Variants in GNA14 observed in about 807,000 individuals in gnomAD.
GNA14 encodes guanine nucleotide-binding protein subunit alpha-14.
A neutral mutation model predicts 42.0 loss-of-function variants in GNA14; 50 were observed. That is an observed-to-expected ratio of 1.19 (90% CI 0.95 to 1.51). The LOEUF is 1.51. Ranked by LOEUF, GNA14 falls within the 40% of genes most tolerant of loss-of-function variation. The pLI is 0.00. For missense variants in GNA14, 473 were observed against 446.2 expected (o/e 1.06, Z -0.54); for synonymous variants, 173 against 163.1 (o/e 1.06, Z -0.46).
chr9:77,576,002 T>C (rs559296903), intron 1 of GNA14, among the ~76,000 whole-genome samples: 1 of 152,374 alleles, frequency 6.6e-6, no homozygotes, highest in South Asian at 2.1e-4. Flanking sequence ...TCCATGGTGC[T>C]GAAATGTTGT....
At chr9:77,487,387 T>C (rs1382154614) in intron 2 of GNA14, among the ~76,000 whole-genome samples, 1 of 152,234 alleles carries the variant, frequency 6.6e-6, no homozygotes, top group Non-Finnish European at 1.5e-5. Flanking sequence ...CCAGTGTTAC[T>C]TTGATTAAAA....
At chr9:77,473,766 A>G (rs1245173725) in intron 2 of GNA14, among the ~76,000 whole-genome samples, 1 of 152,188 alleles carries the variant, frequency 6.6e-6, no homozygotes, top group Non-Finnish European at 1.5e-5. Context: ...TTTAAAACTT[A>G]CTACAAAGCT....
chr9:77,527,303 G>C (rs1160403765), intron 2 of GNA14, among the ~76,000 whole-genome samples: 1 of 152,134 alleles, frequency 6.6e-6, no homozygotes, highest in Non-Finnish European at 1.5e-5. Context: ...ATGTATAAAG[G>C]AATCATCTCA....
At chr9:77,448,921 C>T (rs539983435) in intron 2 of GNA14, among the ~76,000 whole-genome samples, 10 of 152,284 alleles carry the variant, frequency 6.6e-5, no homozygotes, top group East Asian at 1.9e-4. Context: ...AAGTCTTAAA[C>T]GGCAATTCCC....
At chr9:77,563,239 T>C (rs1424391921) in intron 1 of GNA14, among the ~76,000 whole-genome samples, 1 of 152,158 alleles carries the variant, frequency 6.6e-6, no homozygotes, top group Non-Finnish European at 1.5e-5. Context: ...TCCATTTTTC[T>C]CTTCAGAGCT....
At chr9:77,467,634 G>A (rs548794693) in intron 2 of GNA14, among the ~76,000 whole-genome samples, 33 of 138,220 alleles carry the variant, frequency 2.4e-4, no homozygotes, top group African/African-American at 9.1e-4. Flanking sequence ...TCCTCTGGCA[G>A]AACTGCGGAG....
chr9:77,645,725 G>A (rs1376721428), intron 1 of GNA14, among the ~76,000 whole-genome samples: 4 of 152,126 alleles, frequency 2.6e-5, no homozygotes, highest in African/African-American at 9.7e-5. Flanking sequence ...ACATCAAACA[G>A]GCTTATTACC....
chr9:77,471,451 C>A (rs534887837), intron 2 of GNA14, among the ~76,000 whole-genome samples: 1 of 152,044 alleles, frequency 6.6e-6, no homozygotes, highest in South Asian at 2.1e-4. Context: ...TTGAGAGGGG[C>A]AACATGACCC....
chr9:77,644,508 A>G (rs1318335009), intron 1 of GNA14, among the ~76,000 whole-genome samples: 1 of 147,870 alleles, frequency 6.8e-6, no homozygotes, highest in Non-Finnish European at 1.5e-5. Flanking sequence ...ATGTGAGGCC[A>G]CAGTGAGAAG....
chr9:77,571,455 C>A (rs942148473), intron 1 of GNA14, among the ~76,000 whole-genome samples: 2 of 152,246 alleles, frequency 1.3e-5, no homozygotes, highest in African/African-American at 2.4e-5. Flanking sequence ...GCCTACTAAC[C>A]ACATGTGGCT....
At chr9:77,623,475 G>T (rs1372225964) in intron 1 of GNA14, among the ~76,000 whole-genome samples, 2 of 152,058 alleles carry the variant, frequency 1.3e-5, no homozygotes, top group African/African-American at 4.8e-5. Context: ...TCTCACAGTG[G>T]CTGGCAAGAT....
intron 1 of GNA14, among the ~76,000 whole-genome samples, chr9:77,605,518 G>A (rs1300237766): frequency 6.6e-6 from 1 of 152,078 alleles, no homozygotes; most frequent in Non-Finnish European, 1.5e-5. Flanking sequence ...CTCTAAACCA[G>A]GTCATAAGAC....
intron 2 of GNA14, among the ~76,000 whole-genome samples, chr9:77,484,964 T>G (rs1460489726): frequency 8.6e-6 from 1 of 116,398 alleles, no homozygotes. Flanking sequence ...ATCTTTTTGC[T>G]CACAGAGGAT....
At chr9:77,433,288 G>C (rs1218378961) in intron 3 of GNA14, among the ~76,000 whole-genome samples, 1 of 152,208 alleles carries the variant, frequency 6.6e-6, no homozygotes, top group East Asian at 1.9e-4. Context: ...GCAGAAGCAG[G>C]AGTTATTGCC....
At chr9:77,477,192 AC>A (rs1410463797) in intron 2 of GNA14, among the ~76,000 whole-genome samples, 13 of 152,098 alleles carry the variant, frequency 8.5e-5, no homozygotes, top group African/African-American at 1.9e-4. Flanking sequence ...CCCTGTCTCT[AC>A]TAAAAATACA....
intron 1 of GNA14, among the ~76,000 whole-genome samples, chr9:77,582,370 AC>A (rs1387196507): frequency 1.3e-5 from 2 of 150,992 alleles, no homozygotes; most frequent in Non-Finnish European, 3.0e-5. Flanking sequence ...AACTTTACCA[AC>A]CTCTCCCCCT....
Position 77,502,893 on chromosome 9 carries a change from C to T in GNA14, c.309+26176G>A, listed in dbSNP as rs911729741. Among the ~76,000 whole-genome samples, 3 of 152,116 alleles carry T rather than the reference C, an allele frequency of 2.0e-5. No homozygotes were observed. The South Asian group carries it at 6.2e-4, about 32-fold the overall frequency. On this transcript the variant is annotated intron_variant, in intron 2 of 6. Transcript: ENST00000341700. Reference sequence around the variant, plus strand: ...AACTTTGTCTGTCTTCTAGCTTGTCCTTTCTTGGTGCTTCGGTCTCAGGGA... The same window carrying T: ...AACTTTGTCTGTCTTCTAGCTTGTCTTTTCTTGGTGCTTCGGTCTCAGGGA...
intron 1 of GNA14, among the ~76,000 whole-genome samples, chr9:77,549,223 C>T (rs1031558619): frequency 4.6e-5 from 7 of 152,152 alleles, no homozygotes; most frequent in Admixed American, 2.0e-4. Context: ...CGTGAGCCAC[C>T]GTGCCCAGCC....
intron 2 of GNA14, among the ~76,000 whole-genome samples, chr9:77,460,260 G>C (rs1368181852): frequency 6.6e-6 from 1 of 152,228 alleles, no homozygotes; most frequent in Non-Finnish European, 1.5e-5. Flanking sequence ...AGAGGACAGA[G>C]GGAGACACAG....
Sources: allele counts gnomAD v4.1 joint callset (sites outside exome capture counted in the v4.1 genomes callset), GRCh38; gene constraint gnomAD v4.1.1; transcripts MANE v1.5; gene names NCBI Gene and HGNC (gene_info 2026-07-23, HGNC 2026-07-21).